DPP6: variants seen among roughly 807,000 people sequenced by gnomAD.
The protein encoded by DPP6 is A-type potassium channel modulatory protein DPP6.
Under a neutral mutation model 122.6 loss-of-function variants are expected in DPP6, and 69 were observed. The ratio of observed to expected loss-of-function variants is 0.56; its 90% CI spans 0.46 to 0.69. The LOEUF (loss-of-function observed/expected upper bound fraction) is 0.69. Ranked by LOEUF, DPP6 falls within the 30% of genes least tolerant of loss-of-function variation. DPP6 has a pLI of 0.00. For missense variants in DPP6, 928 were observed against 1,116.9 expected (o/e 0.83, Z 2.41); for synonymous variants, 418 against 433.1 (o/e 0.97, Z 0.43).
chr7:153,999,017 C>G (rs1349770554), intron 1 of DPP6, among the ~76,000 whole-genome samples: 1 of 152,226 alleles, frequency 6.6e-6, no homozygotes, highest in African/African-American at 2.4e-5. Flanking sequence ...CGTGGCTGGC[C>G]GATGACTGAT....
At chr7:154,197,857 G>A (rs4726383) in intron 1 of DPP6, among the ~76,000 whole-genome samples, 109,590 of 151,802 alleles carry the variant, frequency 0.72, 41,944 homozygotes, top group Non-Finnish European at 0.85. Flanking sequence ...AGCCCAGACC[G>A]TTGGGAAGGA....
At chr7:154,730,061 G>GC (rs553325933) in intron 8 of DPP6, among the ~76,000 whole-genome samples, 33 of 152,274 alleles carry the variant, frequency 2.2e-4, no homozygotes, top group African/African-American at 6.3e-4. Flanking sequence ...GGGCTTGCCT[G>GC]CCCCCTGGAC....
intron 6 of DPP6, among the ~76,000 whole-genome samples, chr7:154,653,786 A>G (rs1173015554): frequency 6.6e-6 from 1 of 152,088 alleles, no homozygotes; most frequent in Non-Finnish European, 1.5e-5. Flanking sequence ...CTTCCCCGTC[A>G]TGTCTTCATT....
chr7:153,781,522 T>C, the DPP6 span, among the ~76,000 whole-genome samples: 2 of 152,212 alleles, frequency 1.3e-5, no homozygotes, highest in Admixed American at 6.5e-5. Flanking sequence ...TCTGTTCTCT[T>C]CTTTCCAGAT....
chr7:154,694,612 CAAAA>C (rs34382588), intron 7 of DPP6, among the ~76,000 whole-genome samples: 1 of 147,806 alleles, frequency 6.8e-6, no homozygotes, highest in African/African-American at 2.5e-5. Flanking sequence ...GACTCCATCT[CAAAA>C]AAAAAACCAG....
At chr7:153,943,251 G>A (rs1292931620) in intron 1 of DPP6, among the ~76,000 whole-genome samples, 1 of 152,202 alleles carries the variant, frequency 6.6e-6, no homozygotes, top group East Asian at 1.9e-4. Context: ...GTGGCAGCTA[G>A]GGAGATATTT....
chr7:154,035,214 T>C (rs538180006), intron 1 of DPP6, among the ~76,000 whole-genome samples: 2 of 152,374 alleles, frequency 1.3e-5, no homozygotes, highest in Non-Finnish European at 2.9e-5. Flanking sequence ...AAGGTATCCT[T>C]ACATGCCATC....
At chr7:154,108,022 A>C (rs972674779) in intron 1 of DPP6, among the ~76,000 whole-genome samples, 1 of 152,212 alleles carries the variant, frequency 6.6e-6, no homozygotes, top group Non-Finnish European at 1.5e-5. Flanking sequence ...ATTCATGGGG[A>C]CTGGACAATG....
chr7:154,092,413 T>C (rs1286628775), intron 1 of DPP6: 1 of 151,670 alleles, frequency 6.6e-6, no homozygotes, highest in African/African-American at 2.4e-5. Flanking sequence ...CACCCAGGCC[T>C]CCAGTGTGTG....
intron 3 of DPP6, among the ~76,000 whole-genome samples, chr7:154,480,950 G>T (rs531422849): frequency 6.6e-6 from 1 of 152,194 alleles, no homozygotes; most frequent in African/African-American, 2.4e-5. Flanking sequence ...AAGAAATCCT[G>T]CCAGCTCTGC....
At chr7:154,672,856 C>T (rs187520583) in intron 7 of DPP6, among the ~76,000 whole-genome samples, 89 of 152,308 alleles carry the variant, frequency 5.8e-4, no homozygotes, top group Admixed American at 2.6e-3. Flanking sequence ...CACAATGACT[C>T]ATCTCCCTTA....
intron 1 of DPP6, among the ~76,000 whole-genome samples, chr7:153,930,478 GA>G (rs1243703336): frequency 2.0e-4 from 31 of 152,212 alleles, no homozygotes; most frequent in African/African-American, 5.8e-4. Context: ...TTTTTCAATT[GA>G]CAAAATTGTG....
chr7:153,806,041 G>T, the DPP6 span, among the ~76,000 whole-genome samples: 1 of 151,674 alleles, frequency 6.6e-6, no homozygotes, highest in African/African-American at 2.4e-5. Flanking sequence ...TTCCTCCCTC[G>T]TTTCATCTGG....
At chr7:153,870,554 A>G in the DPP6 span, among the ~76,000 whole-genome samples, 1 of 152,260 alleles carries the variant, frequency 6.6e-6, no homozygotes, top group Non-Finnish European at 1.5e-5. Context: ...CCATTCATCT[A>G]ATTTTTCCCA....
chr7:154,665,607 G>A (rs1330539170), intron 6 of DPP6, among the ~76,000 whole-genome samples: 1 of 151,910 alleles, frequency 6.6e-6, no homozygotes, highest in Non-Finnish European at 1.5e-5. Flanking sequence ...CTTTTACTGG[G>A]TGATGGTATT....
rs567262322 is a variant in DPP6 at position 154,521,936 on chromosome 7, G to C, written c.458-18596G>C. ...AGTACCTGGTTGCATTCTTGAAAGG[G>C]GGAAGAAAAATATTACGTGGTCTTT... On this transcript the variant is annotated intron_variant, in intron 3 of 25. Transcript: ENST00000377770. Among the ~76,000 whole-genome samples, 61 of 152,110 alleles carry C rather than the reference G, an allele frequency of 4.0e-4. 1 individual carries two copies. Among genetic ancestry groups the C allele is most frequent in the African/African-American group, 1.4e-3 (59 of 41,504 alleles).
the DPP6 span, among the ~76,000 whole-genome samples, chr7:153,774,615 C>T: frequency 6.6e-6 from 1 of 152,020 alleles, no homozygotes; most frequent in Non-Finnish European, 1.5e-5. Flanking sequence ...TAATATTCTT[C>T]CAAAAAGGAA....
intron 1 of DPP6, among the ~76,000 whole-genome samples, chr7:153,943,466 T>C (rs1017959173): frequency 6.6e-6 from 1 of 152,196 alleles, no homozygotes; most frequent in African/African-American, 2.4e-5. Flanking sequence ...GCCCTCTTTT[T>C]TGTCCTTCTC....
At chr7:153,816,651 G>T in the DPP6 span, among the ~76,000 whole-genome samples, 186 of 152,254 alleles carry the variant, frequency 1.2e-3, no homozygotes, top group African/African-American at 4.3e-3. Context: ...CACAGACCAA[G>T]ATTTTGACAA....
Sources: allele counts gnomAD v4.1 joint callset (sites outside exome capture counted in the v4.1 genomes callset), GRCh38; gene constraint gnomAD v4.1.1; transcripts MANE v1.5; gene names NCBI Gene and HGNC (gene_info 2026-07-23, HGNC 2026-07-21).